Variants in GUCY1A2 observed in about 807,000 individuals in gnomAD.
The protein encoded by GUCY1A2 is guanylate cyclase 1 soluble subunit alpha 2.
In GUCY1A2, 27 loss-of-function variants were observed where a neutral mutation model predicts 63.5. The ratio of observed to expected loss-of-function variants is 0.43; its 90% confidence interval spans 0.31 to 0.59. The LOEUF (loss-of-function observed/expected upper bound fraction) is 0.59, where lower values mean the gene tolerates loss of function less well. Among genes scored for constraint, GUCY1A2 ranks in the 20% least tolerant of loss-of-function variants. The pLI is 0.11. For missense variants in GUCY1A2, 768 were observed against 913.3 expected (o/e 0.84, Z 2.05); for synonymous variants, 364 against 343.5 (o/e 1.06, Z -0.66).
intron 4 of GUCY1A2, among the ~76,000 whole-genome samples, chr11:106,882,280 C>A (rs1264489689): frequency 1.3e-5 from 2 of 151,942 alleles, no homozygotes; most frequent in Non-Finnish European, 2.9e-5. Flanking sequence ...TGTGGAGATT[C>A]TAAAGGAAAG....
chr11:106,857,959 A>T (rs749493375), intron 4 of GUCY1A2, among the ~76,000 whole-genome samples: 22 of 152,344 alleles, frequency 1.4e-4, no homozygotes, highest in Non-Finnish European at 3.1e-4. Flanking sequence ...GACTTTAAGA[A>T]GGAAAAGTAC....
intron 6 of GUCY1A2, among the ~76,000 whole-genome samples, chr11:106,744,618 T>G (rs1419185155): frequency 6.6e-6 from 1 of 152,216 alleles, no homozygotes; most frequent in Non-Finnish European, 1.5e-5. Context: ...TTGTCATGTC[T>G]TATAATAAGT....
chr11:106,816,594 CAAA>C (rs1241252234), intron 4 of GUCY1A2, among the ~76,000 whole-genome samples: 1 of 149,092 alleles, frequency 6.7e-6, no homozygotes, highest in Non-Finnish European at 1.5e-5. Flanking sequence ...AGGGAGGAAA[CAAA>C]AACCATAAGA....
At chr11:106,934,753 T>A (rs1481601377) in intron 4 of GUCY1A2, among the ~76,000 whole-genome samples, 1 of 152,202 alleles carries the variant, frequency 6.6e-6, no homozygotes, top group Non-Finnish European at 1.5e-5. Context: ...TGAATAACAA[T>A]GCTATTGCTC....
chr11:107,015,408 A>G (rs970384432), intron 1 of GUCY1A2, among the ~76,000 whole-genome samples: 2 of 152,042 alleles, frequency 1.3e-5, no homozygotes, highest in Non-Finnish European at 2.9e-5. Context: ...ACCATCAGAG[A>G]CTATTTCCTT....
chr11:106,708,203 T>C (rs943629682), intron 7 of GUCY1A2, among the ~76,000 whole-genome samples: 5 of 152,110 alleles, frequency 3.3e-5, no homozygotes, highest in Admixed American at 2.0e-4. Flanking sequence ...AGATTTCTAT[T>C]ATAATGCAGA....
intron 4 of GUCY1A2, among the ~76,000 whole-genome samples, chr11:106,937,249 A>G (rs1860691886): frequency 6.6e-6 from 1 of 152,192 alleles, no homozygotes; most frequent in African/African-American, 2.4e-5. Context: ...ACATGTTTAA[A>G]TGATAATTGC....
intron 4 of GUCY1A2, among the ~76,000 whole-genome samples, chr11:106,880,880 G>T (rs1033880544): frequency 6.6e-6 from 1 of 152,030 alleles, no homozygotes; most frequent in African/African-American, 2.4e-5. Flanking sequence ...GAACAATTTT[G>T]GAAATGACAA....
At chr11:106,970,817 A>AAG (rs1861183520) in intron 3 of GUCY1A2, among the ~76,000 whole-genome samples, 1 of 151,916 alleles carries the variant, frequency 6.6e-6, no homozygotes, top group Admixed American at 6.6e-5. Flanking sequence ...GTAAGGAACC[A>AAG]AGGTATCCTT....
At chr11:106,710,941 C>T (rs1424287506) in intron 6 of GUCY1A2, among the ~76,000 whole-genome samples, 1 of 152,034 alleles carries the variant, frequency 6.6e-6, no homozygotes, top group Non-Finnish European at 1.5e-5. Flanking sequence ...TGTATTGGGG[C>T]TGGAGACTTC....
rs181429403 is a variant in GUCY1A2, at chr11:106,867,725, G to A, written c.1207-57247C>T. On this transcript the variant is annotated intron_variant, in intron 4 of 7. Coordinates refer to ENST00000526355, the MANE Select transcript of GUCY1A2 (RefSeq NM_000855.3). ...AAGTTAAAAATTTCAAAATAAAACA[G>A]GCCAAATGAATTTTTGGTGCAGATC... Among the ~76,000 whole-genome samples the A allele has an allele frequency of 2.6e-5, 4 of 151,922 alleles. No homozygotes were observed. The East Asian group carries it at 7.7e-4, about 29-fold the overall frequency.
chr11:106,952,305 T>C (rs1004869865), intron 3 of GUCY1A2, among the ~76,000 whole-genome samples: 7 of 152,226 alleles, frequency 4.6e-5, no homozygotes, highest in Admixed American at 1.3e-4. Flanking sequence ...GTGAATAGCA[T>C]TGAATCTGTA....
chr11:106,861,358 C>T (rs906913590), intron 4 of GUCY1A2, among the ~76,000 whole-genome samples: 5 of 152,010 alleles, frequency 3.3e-5, no homozygotes, highest in Non-Finnish European at 1.5e-5. Context: ...TCTACATGCA[C>T]GTAGTCTGTT....
intron 3 of GUCY1A2, among the ~76,000 whole-genome samples, chr11:106,957,937 A>T (rs10789555): frequency 7.0e-6 from 1 of 142,650 alleles, no homozygotes; most frequent in East Asian, 2.1e-4. Flanking sequence ...ATGGAAATCT[A>T]AAATTTTTTT....
In GUCY1A2 at chr11:107,017,822, C is replaced by T; in HGVS notation, c.234G>A (p.Arg78=). The T allele has an allele frequency of 3.1e-6, 4 of 1,310,802 alleles. No individual in the cohort carries two copies. Among genetic ancestry groups the T allele is most frequent in the East Asian group, 2.9e-5 (1 of 34,186 alleles). 81.2% of individuals were successfully genotyped at this position (1,310,802 alleles called of 1,614,324 possible). A position where few individuals can be genotyped will look rare whatever the true frequency, so the allele number is the denominator to read the frequency against. The stretch of plus-strand genomic sequence containing the variant: ...GGTTGACCCGCCTCCGGCGCTGCAC[C>T]CTCCTGGCCCCGGCAGTGGCAGCGG... ...AAAAATAGAR[R]VQRRRRVNLD... Residue 78 remains arginine, a synonymous_variant, in exon 1 of 8, where the codon AGG becomes AGA. Transcript: ENST00000526355.
At chr11:106,722,156 A>G (rs1400614894) in intron 6 of GUCY1A2, among the ~76,000 whole-genome samples, 2 of 152,162 alleles carry the variant, frequency 1.3e-5, no homozygotes, top group Non-Finnish European at 2.9e-5. Context: ...TTGCAGCATG[A>G]TATTTTTGAC....
At chr11:106,730,059 A>AATATATATATAT (rs60486225) in intron 6 of GUCY1A2, among the ~76,000 whole-genome samples, 1,207 of 103,128 alleles carry the variant, frequency 0.012, 6 homozygotes, top group South Asian at 0.013. Flanking sequence ...ATCAGCATGG[A>AATATATATATAT]ATATATATAT....
chr11:106,929,694 A>G (rs1157479858), intron 4 of GUCY1A2, among the ~76,000 whole-genome samples: 1 of 152,126 alleles, frequency 6.6e-6, no homozygotes, highest in African/African-American at 2.4e-5. Flanking sequence ...TGAACTCTCA[A>G]GTATTATATA....
intron 6 of GUCY1A2, among the ~76,000 whole-genome samples, chr11:106,726,370 C>A (rs750742203): frequency 3.4e-4 from 52 of 151,974 alleles, no homozygotes; most frequent in Non-Finnish European, 7.4e-4. Flanking sequence ...GAGCCGAGAC[C>A]GGGCCATTGT....
Sources: allele counts gnomAD v4.1 joint callset (sites outside exome capture counted in the v4.1 genomes callset), GRCh38; gene constraint gnomAD v4.1.1; transcripts MANE v1.5; gene names NCBI Gene and HGNC (gene_info 2026-07-23, HGNC 2026-07-21).